Variants in C11orf65 observed in about 807,000 individuals in gnomAD.
C11orf65 encodes protein MFI.
A neutral mutation model predicts 35.3 loss-of-function variants in C11orf65; 38 were observed. The observed-to-expected ratio is 1.08, with a 90% CI of 0.83 to 1.41. The LOEUF (loss-of-function observed/expected upper bound fraction) is 1.41. C11orf65 is among the 40% of genes most tolerant of loss of function. The probability of loss-of-function intolerance (pLI) is 0.00; values close to 1 mark genes in which losing one functional copy is unlikely to be tolerated. For synonymous variants in C11orf65, 105 were observed against 114.4 expected (o/e 0.92, Z 0.53); for missense variants, 370 against 367.1 (o/e 1.01, Z -0.06).
chr11:108,396,542 T>G (rs1269057260), intron 6 of C11orf65, among the ~76,000 whole-genome samples: 1 of 152,034 alleles, frequency 6.6e-6, no homozygotes, highest in South Asian at 2.1e-4. Flanking sequence ...TTTTAAAATG[T>G]TACTATTGGC....
chr11:108,376,523 A>C (rs2091730438), intron 2 of C11orf65, among the ~76,000 whole-genome samples: 1 of 152,078 alleles, frequency 6.6e-6, no homozygotes, highest in South Asian at 2.1e-4. Context: ...CACAAGATAA[A>C]GCAGGAAAGA....
rs1318760213 is a variant in C11orf65, at chr11:108,317,370, T to C, written c.641-8299A>G. The C allele has an allele frequency of 1.2e-6, 2 of 1,610,788 alleles. No individual in the cohort carries two copies. On this transcript the variant is annotated intron_variant, in intron 6 of 6. Transcript: ENST00000525729. ...ACTTAAAAACAAAATAACTCCTGTT[T>C]AGGCCTTGCAGAATTTGGGACTCTG...
At chr11:108,436,072 A>G (rs1319540818) in intron 2 of C11orf65, among the ~76,000 whole-genome samples, 1 of 151,912 alleles carries the variant, frequency 6.6e-6, no homozygotes, top group Non-Finnish European at 1.5e-5. Context: ...GCTGGTTTTG[A>G]AAATAGACAG....
intron 7 of C11orf65, among the ~76,000 whole-genome samples, chr11:108,389,786 G>A (rs543820913): frequency 6.7e-6 from 1 of 149,390 alleles, no homozygotes; most frequent in East Asian, 2.1e-4. Context: ...GGCATGAATC[G>A]TGGGTTCATG....
At chr11:108,383,915 G>A (rs930441361) in intron 8 of C11orf65, among the ~76,000 whole-genome samples, 5 of 148,256 alleles carry the variant, frequency 3.4e-5, no homozygotes, top group Non-Finnish European at 7.4e-5. Flanking sequence ...CTGTTGCCCA[G>A]GCTAGAGTGC....
In C11orf65 at chr11:108,433,305, C is replaced by A. The variant is rs1264154530; in HGVS notation, c.82-1467G>T. On this transcript the variant is annotated intron_variant, in intron 2 of 8. Coordinates refer to ENST00000393084, the MANE Select transcript of C11orf65 (RefSeq NM_152587.5). Reference sequence around the variant, plus strand: ...TATAGATATATATATATGCCGGGCTCAGTGGCTCACGCCTATAATCCCAGC... The same window carrying A: ...TATAGATATATATATATGCCGGGCTAAGTGGCTCACGCCTATAATCCCAGC... Among the ~76,000 whole-genome samples, 8 of 150,852 alleles carry A rather than the reference C, an allele frequency of 5.3e-5. No homozygotes were observed. The East Asian group carries it at 1.5e-3, about 29-fold the overall frequency.
At chr11:108,442,454 A>C (rs919592237) in intron 2 of C11orf65, among the ~76,000 whole-genome samples, 4 of 152,236 alleles carry the variant, frequency 2.6e-5, no homozygotes, top group Non-Finnish European at 4.4e-5. Context: ...GCCAAAATTC[A>C]AATTCAGGAA....
chr11:108,439,537 A>G (rs1040189189), intron 2 of C11orf65, among the ~76,000 whole-genome samples: 3 of 152,236 alleles, frequency 2.0e-5, no homozygotes, highest in Non-Finnish European at 4.4e-5. Flanking sequence ...TATTAGCAGC[A>G]TTATTCACAG....
chr11:108,312,119 A>G (rs2084215176), intron 6 of C11orf65, among the ~76,000 whole-genome samples: 1 of 152,220 alleles, frequency 6.6e-6, no homozygotes, highest in Non-Finnish European at 1.5e-5. Context: ...AGTATATAGT[A>G]CCTGAATTGG....
intron 6 of C11orf65, among the ~76,000 whole-genome samples, chr11:108,315,028 A>G (rs548388105): frequency 6.6e-6 from 1 of 152,300 alleles, no homozygotes; most frequent in African/African-American, 2.4e-5. Context: ...GCATCTTGGA[A>G]GCACCTCCAG....
intron 6 of C11orf65, among the ~76,000 whole-genome samples, chr11:108,396,768 A>C (rs2092317450): frequency 6.6e-6 from 1 of 151,656 alleles, no homozygotes; most frequent in Non-Finnish European, 1.5e-5. Context: ...TGGGAGACGG[A>C]GCTTGCAGTG....
chr11:108,451,273 A>C (rs886096069), intron 2 of C11orf65, among the ~76,000 whole-genome samples: 2 of 152,020 alleles, frequency 1.3e-5, no homozygotes, highest in Non-Finnish European at 2.9e-5. Context: ...ATCTCAGCCC[A>C]AAATCTCCTT....
At chr11:108,385,681 C>CA (rs11286338) in intron 8 of C11orf65, among the ~76,000 whole-genome samples, 41 of 144,040 alleles carry the variant, frequency 2.8e-4, no homozygotes, top group African/African-American at 6.6e-4. Flanking sequence ...GACTCCGTCT[C>CA]AAAAAAAAAA....
chr11:108,332,432 CAAATT>C (rs920222693), intron 3 of C11orf65, among the ~76,000 whole-genome samples: 1 of 151,138 alleles, frequency 6.6e-6, no homozygotes, highest in South Asian at 2.2e-4. Context: ...AACTCTGTCT[CAAATT>C]AATTAATTAA....
At chr11:108,380,988 A>ACT (rs2091855078), downstream of C11orf65, among the ~76,000 whole-genome samples, 1 of 152,200 alleles carries the variant, frequency 6.6e-6, no homozygotes, top group South Asian at 2.1e-4. Context: ...AATGGAAAAC[A>ACT]CTAGTCCTAT....
downstream of C11orf65, among the ~76,000 whole-genome samples, chr11:108,380,833 T>C (rs1401983966): frequency 6.6e-6 from 1 of 152,234 alleles, no homozygotes; most frequent in Non-Finnish European, 1.5e-5. Context: ...GGTCCAGGTA[T>C]GGATTTGCCT....
chr11:108,356,969 G>A (rs1029635402), intron 2 of C11orf65, among the ~76,000 whole-genome samples: 7 of 152,166 alleles, frequency 4.6e-5, no homozygotes, highest in South Asian at 2.1e-4. Flanking sequence ...GAACAGCTCC[G>A]GTATACAGCT....
rs190328394 is a variant in C11orf65 at position 108,462,106 on chromosome 11, G to A, written c.-9-538C>T. ...TTGCCTTGGCTAGAATGCCATGGCA[G>A]GATCATAGGTCACTGCAGCCTTGAA... On this transcript the variant is annotated intron_variant, in intron 1 of 8. Coordinates refer to ENST00000393084, the MANE Select transcript of C11orf65 (RefSeq NM_152587.5). Among the ~76,000 whole-genome samples the A allele has an allele frequency of 7.0e-4, 107 of 152,260 alleles. 1 individual carries two copies. The highest frequency in any genetic ancestry group is 2.4e-3 in the African/African-American group (101 of 41,542).
chr11:108,457,968 T>A (rs2093427682), intron 2 of C11orf65, among the ~76,000 whole-genome samples: 1 of 152,088 alleles, frequency 6.6e-6, no homozygotes, highest in Non-Finnish European at 1.5e-5. Flanking sequence ...AGAACAATTT[T>A]AATCTGTCAT....
Sources: gnomAD v4.1 joint callset for allele counts (sites outside exome capture counted in the v4.1 genomes callset) on GRCh38, gnomAD v4.1.1 for gene constraint, MANE v1.5 for transcripts, NCBI Gene and HGNC (gene_info 2026-07-23, HGNC 2026-07-21) for gene names.